HPS5: variants seen among roughly 807,000 people sequenced by gnomAD.
HPS5 encodes HPS5 biogenesis of lysosomal organelles complex 2 subunit 2, also known as BLOC-2 complex member HPS5.
A neutral mutation model predicts 128.0 loss-of-function variants in HPS5; 83 were observed. The observed-to-expected ratio is 0.65, with a 90% CI of 0.54 to 0.78. The LOEUF (loss-of-function observed/expected upper bound fraction) is 0.78. HPS5 is among the 30% of genes least tolerant of loss of function. The pLI is 0.00. For synonymous variants in HPS5, 475 were observed against 470.2 expected, an observed-to-expected ratio of 1.01 and a Z score of -0.13; for missense variants, 1,281 against 1,326.2, an observed-to-expected ratio of 0.97 and a Z score of 0.53.
chr11:18,313,838 CAG>C (rs539604245), intron 2 of HPS5, among the ~76,000 whole-genome samples: 9 of 149,116 alleles, frequency 6.0e-5, no homozygotes, highest in African/African-American at 2.2e-4. Context: ...CACTTGAACC[CAG>C]GAAGTGGAGG....
At chr11:18,308,543 A>C (rs1862617820) in intron 6 of HPS5, among the ~76,000 whole-genome samples, 1 of 152,166 alleles carries the variant, frequency 6.6e-6, no homozygotes, top group Non-Finnish European at 1.5e-5. Flanking sequence ...AGCCAGGGGC[A>C]GTGGTTCATG....
At chr11:18,280,033 C>G in intron 22 of HPS5, 91 bp from the exon 23 acceptor site, 2 of 1,313,642 alleles carry the variant, frequency 1.5e-6, no homozygotes, top group Non-Finnish European at 2.2e-6. Context: ...TCAGAGGATT[C>G]AAAAAGTTGA....
At chr11:18,311,286 C>T (rs1297831057) in intron 4 of HPS5, 101 bp downstream of exon 4, 1 of 868,288 alleles carries the variant, frequency 1.2e-6, no homozygotes, top group African/African-American at 1.7e-5. Flanking sequence ...AAAACCGGGA[C>T]AATCCTAGGC....
chr11:18,311,473 ATT>A, intron 3 of HPS5, 22 bp from the exon 4 acceptor site: 1 of 1,435,862 alleles, frequency 7.0e-7, no homozygotes, highest in Non-Finnish European at 9.6e-7. Flanking sequence ...AAGAAAATAC[ATT>A]TTTTAAATCT....
At chr11:18,282,347 C>G (rs1859100963) in intron 21 of HPS5, 127 bp from the exon 22 acceptor site, 1 of 1,013,978 alleles carries the variant, frequency 9.9e-7, no homozygotes, top group Non-Finnish European at 1.5e-6. Flanking sequence ...AATCTCATCA[C>G]CCTAACACAA....
At chr11:18,280,423 C>T (rs1237722354) in intron 22 of HPS5, 27 of 583,878 alleles carry the variant, frequency 4.6e-5, no homozygotes, top group Non-Finnish European at 7.5e-5. Flanking sequence ...AATTGGAACT[C>T]TTGTGCACTG....
At chr11:18,311,757 C>T (rs1035366037) in intron 3 of HPS5, 157 bp downstream of exon 3, 16 of 699,324 alleles carry the variant, frequency 2.3e-5, no homozygotes, top group East Asian at 8.7e-5. Context: ...GTAATCCATC[C>T]GCCTTGGCCT....
chr11:18,297,828 C>A, intron 10 of HPS5, 111 bp from the exon 11 acceptor site: 1 of 1,060,300 alleles, frequency 9.4e-7, no homozygotes, highest in Non-Finnish European at 1.4e-6. Context: ...GCCTGTAATC[C>A]CAGCACTCTG....
At chr11:18,311,729 T>TC in intron 3 of HPS5, 185 bp downstream of exon 3, 6 of 645,148 alleles carry the variant, frequency 9.3e-6, no homozygotes. Context: ...CAGGCTGGTC[T>TC]CCAACTCCTG....
chr11:18,320,979 AGCT>A (rs1451746740), intron 1 of HPS5, among the ~76,000 whole-genome samples: 1 of 152,238 alleles, frequency 6.6e-6, no homozygotes, highest in East Asian at 1.9e-4. Context: ...TCAAATTGAA[AGCT>A]GCTATTAATC....
chr11:18,296,841 T>C lies in HPS5; in HGVS notation c.1467A>G (p.Glu489=), dbSNP rs1861131090. 1.2e-6 allele frequency: 2 copies of C among 1,614,140 alleles called. No homozygotes were observed. The highest frequency in any genetic ancestry group is 1.3e-5 in the African/African-American group (1 of 75,040). ...CACAACACTGATCTGGCAGGTCCTCTTCCTGCTGTGAGGTGAATTCTTTAA... is the reference window on the plus strand; with the variant it reads ...CACAACACTGATCTGGCAGGTCCTCCTCCTGCTGTGAGGTGAATTCTTTAA... ...ERFKEFTSQQ[E]EDLPDQCCGS... is the part of the protein sequence containing the mutation. Residue 489 remains glutamate, a synonymous_variant, in exon 12 of 23, where the codon GAA becomes GAG. Coordinates refer to ENST00000349215, the MANE Select transcript of HPS5 (RefSeq NM_181507.2).
chr11:18,283,721 A>C, intron 21 of HPS5, 74 bp downstream of exon 21: 1 of 989,260 alleles, frequency 1.0e-6, no homozygotes, highest in Non-Finnish European at 1.6e-6. Context: ...AGGTTCACCA[A>C]ATTTTTTTGT....
At chr11:18,295,332 G>A (rs1044577127) in intron 13 of HPS5, among the ~76,000 whole-genome samples, 163 bp from the exon 14 acceptor site, 2 of 152,150 alleles carry the variant, frequency 1.3e-5, no homozygotes, top group African/African-American at 4.8e-5. Context: ...AGTATTTCAC[G>A]TATATAAACT....
chr11:18,283,292 G>A (rs1859261591), intron 21 of HPS5, among the ~76,000 whole-genome samples: 1 of 149,198 alleles, frequency 6.7e-6, no homozygotes, highest in Admixed American at 6.7e-5. Context: ...GTGAGCCACC[G>A]CGCCTGGCCA....
Position 18,295,042 on chromosome 11 carries a change from A to G in HPS5, c.1762T>C (p.Cys588Arg), listed in dbSNP as rs1860889575. The G allele has an allele frequency of 1.9e-6, 3 of 1,614,050 alleles. No individual in the cohort carries two copies. Among genetic ancestry groups the G allele is most frequent in the Non-Finnish European group, 2.5e-6 (3 of 1,180,028 alleles). Residue 588 changes from cysteine (C) to arginine (R), a missense_variant, in exon 14 of 23, where the codon TGC becomes CGC. By Grantham distance (180) the Cys-to-Arg change is radical (BLOSUM62 -3). Coordinates refer to ENST00000349215, the MANE Select transcript of HPS5 (RefSeq NM_181507.2). ...TACTCAGTGTCTTCCTCCTTTGGGC[A>G]GGTATCTGAACTCACATCCTCTTCA... ...SCEEDVSSDT[C>R]PKEEDTEEEK...
intron 5 of HPS5, among the ~76,000 whole-genome samples, chr11:18,309,973 T>C (rs1862785577): frequency 6.6e-6 from 1 of 152,208 alleles, no homozygotes; most frequent in Admixed American, 6.5e-5. Flanking sequence ...ACTGTACTTC[T>C]GCCTGAGTGA....
chr11:18,283,328 T>TAAA (rs34748325), intron 21 of HPS5, among the ~76,000 whole-genome samples: 7 of 124,468 alleles, frequency 5.6e-5, no homozygotes, highest in African/African-American at 1.8e-4. Flanking sequence ...AATGGGAAAT[T>TAAA]AAAAAAAAAA....
chr11:18,280,892 G>GT (rs1858810196), intron 22 of HPS5, among the ~76,000 whole-genome samples: 1 of 151,894 alleles, frequency 6.6e-6, no homozygotes. Flanking sequence ...GGTAGAGGAA[G>GT]TAAGTTGCTG....
At position 18,310,753 on chromosome 11, in the gene HPS5, A is replaced by T; in HGVS notation, c.465T>A (p.Ser155=). The part of the protein sequence containing the change: ...GKVSAIKLNT[S]KQAKAAAAFV... The stretch of plus-strand genomic sequence containing the variant: ...GACTGCTTCTCACCTTTGCTTGTTT[A>T]GAAGTATTGAGTTTGATAGCAGAAA... The change falls in exon 5 of 23, where the codon TCT becomes TCA. Residue 155 remains serine, a synonymous_variant. Coordinates refer to ENST00000349215, the MANE Select transcript of HPS5 (RefSeq NM_181507.2). 1 of 1,613,356 alleles carries T rather than the reference A, an allele frequency of 6.2e-7. No individual in the cohort carries two copies. Among genetic ancestry groups the T allele is most frequent in the Non-Finnish European group, 8.5e-7 (1 of 1,179,352 alleles).
Sources: gnomAD v4.1 joint callset for allele counts (sites outside exome capture counted in the v4.1 genomes callset) on GRCh38, gnomAD v4.1.1 for gene constraint, MANE v1.5 for transcripts, NCBI Gene and HGNC (gene_info 2026-07-23, HGNC 2026-07-21) for gene names.